Variants in RCCD1 observed in about 807,000 individuals in gnomAD.
RCCD1 encodes the protein RCC1 domain containing 1.
RCCD1 carries 40 observed loss-of-function variants against 37.6 expected under a neutral mutation model. The observed-to-expected ratio is 1.06, with a 90% confidence interval of 0.83 to 1.39. The LOEUF is 1.39. Among genes scored for constraint, RCCD1 ranks in the 40% most tolerant of loss-of-function variants. The pLI is 0.00. For synonymous variants in RCCD1, 263 were observed against 230.0 expected (o/e 1.14, Z -1.30); for missense variants, 577 against 517.3 (o/e 1.12, Z -1.12).
chr15:90,960,191 G>C (rs979765260), intron 5 of RCCD1, 137 bp from the exon 6 acceptor site: 2 of 1,005,572 alleles, frequency 2.0e-6, no homozygotes, highest in African/African-American at 3.2e-5. Context: ...CCTGCCTGCA[G>C]AATGTAGGGG....
rs1417663612 is a variant in RCCD1 at position 90,962,638 on chromosome 15, T to A, written c.*869T>A. On this transcript the variant is annotated 3_prime_UTR_variant, in exon 8 of 8. Coordinates refer to ENST00000394258, the MANE Select transcript of RCCD1 (RefSeq NM_001017919.2). Reference sequence around the variant, plus strand: ...TGGGCATGGTGGCTCACACCTGTAGTCCCAGCACTTTGGGAGGCTAAGCAG... The same window carrying A: ...TGGGCATGGTGGCTCACACCTGTAGACCCAGCACTTTGGGAGGCTAAGCAG... 6.6e-6 allele frequency: 1 copy of A among 152,250 alleles called. No homozygotes were observed. The highest frequency in any genetic ancestry group is 1.5e-5 in the Non-Finnish European group (1 of 68,044). The allele number at this position is 152,250 out of a possible 1,614,324, so 9.4% of individuals were successfully genotyped here.
chr15:90,960,306 C>T, intron 5 of RCCD1, 22 bp from the exon 6 acceptor site: 1 of 1,581,506 alleles, frequency 6.3e-7, no homozygotes, highest in Non-Finnish European at 8.6e-7. Context: ...TTGGTGTTCA[C>T]ATCATTATTA....
chr15:90,960,478 G>A lies in RCCD1; in HGVS notation c.929G>A (p.Arg310Gln), dbSNP rs1160828563. ...SDAVKASCGS[R>Q]HTAVVTRTGE... ...GCAGTCAAGGCCAGCTGTGGATCCCGGCACACAGCTGTGGTGACACGTGAG... is the reference window on the plus strand; with the variant it reads ...GCAGTCAAGGCCAGCTGTGGATCCCAGCACACAGCTGTGGTGACACGTGAG... Residue 310 changes from arginine to glutamine, a missense_variant, in exon 6 of 8, where the codon CGG (arginine) becomes CAG (glutamine). By Grantham distance (43) the Arg-to-Gln change is conservative. Coordinates refer to ENST00000394258, the MANE Select transcript of RCCD1 (RefSeq NM_001017919.2). 5 of 1,610,664 alleles carry A rather than the reference G, an allele frequency of 3.1e-6. No individual in the cohort carries two copies. Among genetic ancestry groups the A allele is most frequent in the East Asian group, 2.2e-5 (1 of 44,878 alleles).
At position 90,962,699 on chromosome 15, in the gene RCCD1, T is replaced by C. The variant is rs2037339041; in HGVS notation, c.*930T>C. On this transcript the variant is annotated 3_prime_UTR_variant, in exon 8 of 8. Coordinates refer to ENST00000394258, the MANE Select transcript of RCCD1 (RefSeq NM_001017919.2). ...TGAGGCGAAGAGTTCATATGTTTAT[T>C]GGCCACTTGGAGTTTTTCTGTTGTC... The C allele has an allele frequency of 6.6e-6, 1 of 152,232 alleles. No homozygotes were observed. Among genetic ancestry groups the C allele is most frequent in the Non-Finnish European group, 1.5e-5 (1 of 68,050 alleles). 9.4% of individuals were successfully genotyped at this position (152,232 alleles called of 1,614,324 possible).
In RCCD1 at chr15:90,963,101, CAA is replaced by C. The variant is rs1166552029; in HGVS notation, c.*1336_*1337del. 2 of 152,102 alleles carry C rather than the reference CAA, an allele frequency of 1.3e-5. No individual in the cohort carries two copies. Among genetic ancestry groups the C allele is most frequent in the Admixed American group, 6.6e-5 (1 of 15,266 alleles). 9.4% of individuals were successfully genotyped at this position (152,102 alleles called of 1,614,324 possible). A position where few individuals can be genotyped will look rare whatever the true frequency, so the allele number is the denominator to read the frequency against. ...CATAAAATTTATGTTCAATAAAAAA[CAA>C]AAATTGTTTTTAACCATTTTAAGTA... On this transcript the variant is annotated 3_prime_UTR_variant, in exon 8 of 8. Coordinates refer to ENST00000394258, the MANE Select transcript of RCCD1 (RefSeq NM_001017919.2).
chr15:90,956,813 C>A lies in RCCD1; in HGVS notation c.79C>A (p.Arg27Ser). The A allele has an allele frequency of 7.7e-7, 1 of 1,307,080 alleles. No individual in the cohort carries two copies. The highest frequency in any genetic ancestry group is 2.6e-5 in the South Asian group (1 of 37,764). The allele number at this position is 1,307,080 out of a possible 1,614,324, so 81.0% of individuals were successfully genotyped here. A position where few individuals can be genotyped will look rare whatever the true frequency, so the allele number is the denominator to read the frequency against. Residue 27 changes from arginine to serine, a missense_variant, in exon 2 of 8, where the codon CGC becomes AGC. Transcript: ENST00000394258. ...GCAGGAGCTGGGCTCCGGACGCGGG[C>A]GCCAGGTGCACAGCCCCAGTCCGCT... ...FGQELGSGRG[R>S]QVHSPSPLRA...
At chr15:90,961,464 G>C in intron 7 of RCCD1, 154 bp from the exon 8 acceptor site, 1 of 829,466 alleles carries the variant, frequency 1.2e-6, no homozygotes, top group Non-Finnish European at 1.8e-6. Flanking sequence ...GCCTCTTGGG[G>C]ATCCCCAAGG....
intron 2 of RCCD1, 54 bp downstream of exon 2, chr15:90,956,954 T>A (rs1039519564): frequency 1.5e-5 from 19 of 1,267,106 alleles, no homozygotes; most frequent in Non-Finnish European, 1.8e-5. Flanking sequence ...CCCAGTCGCC[T>A]CCCCGCACCG....
intron 6 of RCCD1, 161 bp downstream of exon 6, chr15:90,960,659 TC>T: frequency 1.5e-6 from 1 of 681,934 alleles, no homozygotes; most frequent in Non-Finnish European, 2.4e-6. Flanking sequence ...TCACAGTAGT[TC>T]CCCAGCCTGT....
At position 90,957,377 on chromosome 15, in the gene RCCD1, TG is replaced by T. The variant is rs2037220726; in HGVS notation, c.432del (p.Ser145AlafsTer66). ...CTGCTGCCCTGCGCCCGTGCCTACG[TG>T]AGCCCGCGGGCGCCCTTCTACCGGC... ...LPLLPCARAY[V>X]SPRAPFYRPL... On this transcript the variant is annotated frameshift_variant, in exon 3 of 8. Coordinates refer to ENST00000394258, the MANE Select transcript of RCCD1 (RefSeq NM_001017919.2). LOFTEE classifies it high-confidence loss of function. 6.5e-7 allele frequency: 1 copy of T among 1,544,994 alleles called. No homozygotes were observed. Among genetic ancestry groups the T allele is most frequent in the Admixed American group, 2.0e-5 (1 of 50,920 alleles).
Position 90,956,639 on chromosome 15 carries a change from C to T in RCCD1, c.-96C>T, listed in dbSNP as rs2037198822. The T allele has an allele frequency of 8.8e-7, 1 of 1,132,338 alleles. No individual in the cohort carries two copies. The highest frequency in any genetic ancestry group is 1.6e-5 in the African/African-American group (1 of 62,576). 70.1% of individuals were successfully genotyped at this position (1,132,338 alleles called of 1,614,324 possible). A position where few individuals can be genotyped will look rare whatever the true frequency, so the allele number is the denominator to read the frequency against. ...AAGGCAGCTCCAGCCCCTGGAAGGC[C>T]AGAGACTTGCCAGTGTCCCACTAGC... On this transcript the variant is annotated 5_prime_UTR_variant, in exon 2 of 8. Transcript: ENST00000394258.
chr15:90,960,754 C>T lies in RCCD1; in HGVS notation c.949+256C>T, dbSNP rs146947386. On this transcript the variant is annotated intron_variant, in intron 6 of 7. Coordinates refer to ENST00000394258, the MANE Select transcript of RCCD1 (RefSeq NM_001017919.2). ...GGCCACAGACACATTCCCTGCCCGC[C>T]GCCGCCTCTGACAGCAGGGACTGTC... The T allele has an allele frequency of 4.2e-3, 2,566 of 611,676 alleles. 17 individuals carry two copies. The highest frequency in any genetic ancestry group is 0.01 in the South Asian group (515 of 51,384). 37.9% of individuals were successfully genotyped at this position (611,676 alleles called of 1,614,324 possible).
intron 2 of RCCD1, 66 bp from the exon 3 acceptor site, chr15:90,957,047 G>C: frequency 7.7e-7 from 1 of 1,298,956 alleles, no homozygotes. Flanking sequence ...CCCTTCCCAG[G>C]AACACCCCGC....
At chr15:90,960,166 T>C (rs2037285311) in intron 5 of RCCD1, 162 bp from the exon 6 acceptor site, 2 of 921,326 alleles carry the variant, frequency 2.2e-6, no homozygotes, top group South Asian at 1.6e-5. Flanking sequence ...AACACACTTG[T>C]GCAGCAGTGC....
At position 90,960,391 on chromosome 15, in the gene RCCD1, C is replaced by A. The variant is rs2037290084; in HGVS notation, c.842C>A (p.Pro281His). 6.2e-7 allele frequency: 1 copy of A among 1,613,860 alleles called. No homozygotes were observed. Among genetic ancestry groups the A allele is most frequent in the African/African-American group, 1.3e-5 (1 of 75,040 alleles). Reference protein sequence around the residue: ...KRTGGAEDGAPAPFIAVQPFP... With the variant: ...KRTGGAEDGAHAPFIAVQPFP... ...ACGGGTGGGGCTGAGGATGGAGCCC[C>A]TGCCCCCTTCATAGCTGTCCAGCCC... The change falls in exon 6 of 8, where the codon CCT (proline) becomes CAT (histidine). Residue 281 changes from proline to histidine, a missense_variant. Physicochemically the swap from Pro to His is moderately conservative, Grantham distance 77. Coordinates refer to ENST00000394258, the MANE Select transcript of RCCD1 (RefSeq NM_001017919.2).
chr15:90,960,983 A>G (rs1275104873), intron 6 of RCCD1, 42 bp from the exon 7 acceptor site: 2 of 1,610,430 alleles, frequency 1.2e-6, no homozygotes, highest in East Asian at 2.2e-5. Context: ...TGCCTTGCCA[A>G]AGAACCGTAG....
In RCCD1 at chr15:90,960,317, T is replaced by C. The variant is rs1442198773; in HGVS notation, c.779-11T>C. 1.3e-6 allele frequency: 2 copies of C among 1,590,068 alleles called. No individual in the cohort carries two copies. Among genetic ancestry groups the C allele is most frequent in the African/African-American group, 2.7e-5 (2 of 74,090 alleles). ...TCAGTTGGTGTTCACATCATTATTA[T>C]CATTCTGAAGCCACAGAACTGAATG... On this transcript the variant is annotated splice_polypyrimidine_tract_variant and intron_variant, in intron 5 of 7. Coordinates refer to ENST00000394258, the MANE Select transcript of RCCD1 (RefSeq NM_001017919.2).
Position 90,962,034 on chromosome 15 carries a change from G to T in RCCD1, c.*265G>T. ...CTTCTAGGTGTGTGGCCTGGATAGTGGTAGATTCAAAGCTCCACCCACCTC... is the reference window on the plus strand; with the variant it reads ...CTTCTAGGTGTGTGGCCTGGATAGTTGTAGATTCAAAGCTCCACCCACCTC... On this transcript the variant is annotated 3_prime_UTR_variant, in exon 8 of 8. Transcript: ENST00000394258. 1 of 249,874 alleles carries T rather than the reference G, an allele frequency of 4.0e-6. No homozygotes were observed. The highest frequency in any genetic ancestry group is 7.7e-6 in the Non-Finnish European group (1 of 129,796). 15.5% of individuals were successfully genotyped at this position (249,874 alleles called of 1,614,324 possible). A position where few individuals can be genotyped will look rare whatever the true frequency, so the allele number is the denominator to read the frequency against.
chr15:90,957,043 C>G, intron 2 of RCCD1, 70 bp from the exon 3 acceptor site: 4 of 1,297,130 alleles, frequency 3.1e-6, no homozygotes, highest in Non-Finnish European at 3.9e-6. Context: ...CGACCCCTTC[C>G]CAGGAACACC....
Sources: gnomAD v4.1 joint callset for allele counts on GRCh38, gnomAD v4.1.1 for gene constraint, MANE v1.5 for transcripts, NCBI Gene and HGNC (gene_info 2026-07-23, HGNC 2026-07-21) for gene names.